Variants in ANKRD44 observed in about 807,000 individuals in gnomAD.
The protein encoded by ANKRD44 is serine/threonine-protein phosphatase 6 regulatory ankyrin repeat subunit B.
In ANKRD44, 35 loss-of-function variants were observed where a neutral mutation model predicts 116.0. The observed-to-expected ratio is 0.30, with a 90% CI of 0.23 to 0.40. ANKRD44 has a LOEUF of 0.40. Among genes scored for constraint, ANKRD44 ranks in the 10% least tolerant of loss-of-function variants. The pLI, the probability that ANKRD44 is intolerant of heterozygous loss-of-function variation, is 1.00. For synonymous variants in ANKRD44, 435 were observed against 461.8 expected (o/e 0.94, Z 0.74); for missense variants, 1,014 against 1,242.6 (o/e 0.82, Z 2.77).
intron 16 of ANKRD44, among the ~76,000 whole-genome samples, chr2:197,032,569 T>C (rs927684791): frequency 6.6e-6 from 1 of 152,104 alleles, no homozygotes; most frequent in Non-Finnish European, 1.5e-5. Flanking sequence ...TTTGTATTTT[T>C]AGTAGAGATG....
intron 1 of ANKRD44, among the ~76,000 whole-genome samples, chr2:197,280,388 G>A (rs564253022): frequency 1.2e-4 from 18 of 152,244 alleles, no homozygotes; most frequent in Non-Finnish European, 2.6e-4. Context: ...AAGCACAAAG[G>A]GTTTGCAAAA....
chr2:197,074,976 A>G (rs1418031846), intron 16 of ANKRD44, among the ~76,000 whole-genome samples: 1 of 152,182 alleles, frequency 6.6e-6, no homozygotes, highest in Non-Finnish European at 1.5e-5. Context: ...CTCCTAGAAT[A>G]TGTAAGTAGG....
chr2:196,967,561 T>C (rs527393544), intron 21 of ANKRD44: 51 of 397,788 alleles, frequency 1.3e-4, no homozygotes, highest in African/African-American at 1.1e-3. Context: ...AAATGGGGGA[T>C]GGGGAATGCT....
chr2:197,189,276 T>C (rs1410903629), intron 1 of ANKRD44, among the ~76,000 whole-genome samples: 3 of 152,222 alleles, frequency 2.0e-5, no homozygotes, highest in African/African-American at 7.2e-5. Flanking sequence ...TCCCAGCAAA[T>C]GAACATATAT....
At chr2:196,982,696 T>C (rs769285249), downstream of ANKRD44, among the ~76,000 whole-genome samples, 12 of 152,200 alleles carry the variant, frequency 7.9e-5, no homozygotes, top group Non-Finnish European at 1.6e-4. Context: ...AGCCACTATA[T>C]TTACTTGTCT....
At chr2:197,083,217 C>G (rs138435846) in intron 14 of ANKRD44, 152 bp downstream of exon 14, 1 of 955,824 alleles carries the variant, frequency 1.0e-6, no homozygotes, top group Non-Finnish European at 1.5e-6. Flanking sequence ...TTGACCAGAA[C>G]AGGAAAGCCC....
In ANKRD44 at chr2:196,989,142, T is replaced by G; in HGVS notation, c.*449A>C. On this transcript the variant is annotated 3_prime_UTR_variant, in exon 28 of 28. Transcript: ENST00000282272. ...GTCAAGTGTTTTTTTTTTCACTTTTTTTTTGTTATTCTAAATAAGATACAT... is the reference window on the plus strand; with the variant it reads ...GTCAAGTGTTTTTTTTTTCACTTTTGTTTTGTTATTCTAAATAAGATACAT... 1.0e-6 allele frequency: 1 copy of G among 985,334 alleles called. No homozygotes were observed. Among genetic ancestry groups the G allele is most frequent in the Non-Finnish European group, 1.2e-6 (1 of 829,868 alleles). 61.0% of individuals were successfully genotyped at this position (985,334 alleles called of 1,614,324 possible). A position where few individuals can be genotyped will look rare whatever the true frequency, so the allele number is the denominator to read the frequency against.
intron 3 of ANKRD44, among the ~76,000 whole-genome samples, chr2:197,142,511 A>G (rs377550372): frequency 1.4e-4 from 22 of 152,322 alleles, no homozygotes; most frequent in African/African-American, 5.3e-4. Flanking sequence ...AGAAGAGGGT[A>G]TGATAATTCC....
intron 6 of ANKRD44, 53 bp downstream of exon 6, chr2:197,125,328 G>A: frequency 6.7e-7 from 1 of 1,487,682 alleles, no homozygotes; most frequent in Non-Finnish European, 9.4e-7. Flanking sequence ...GAGACCCATG[G>A]CTTATTTAGT....
chr2:197,129,344 C>T (rs1052548343), intron 4 of ANKRD44, among the ~76,000 whole-genome samples: 1 of 152,124 alleles, frequency 6.6e-6, no homozygotes, highest in Non-Finnish European at 1.5e-5. Flanking sequence ...CCATGTTGGC[C>T]AGGCTGATCT....
At chr2:197,187,847 T>G (rs2080722779) in intron 1 of ANKRD44, among the ~76,000 whole-genome samples, 1 of 152,214 alleles carries the variant, frequency 6.6e-6, no homozygotes, top group African/African-American at 2.4e-5. Context: ...AAATTTCTGT[T>G]GCTTAAGCCA....
At chr2:197,274,002 T>TGA in intron 1 of ANKRD44, among the ~76,000 whole-genome samples, 3 of 64,910 alleles carry the variant, frequency 4.6e-5, no homozygotes, top group African/African-American at 1.5e-4. Context: ...TATATATATA[T>TGA]ATATATATAT....
Position 197,136,627 on chromosome 2 carries a change from T to C in ANKRD44, c.226A>G (p.Thr76Ala). The C allele has an allele frequency of 6.2e-7, 1 of 1,613,978 alleles. No homozygotes were observed. Among genetic ancestry groups the C allele is most frequent in the Non-Finnish European group, 8.5e-7 (1 of 1,179,974 alleles). Residue 76 changes from threonine to alanine, a missense_variant, in exon 4 of 28, where the codon ACT becomes GCT. Thr to Ala is a moderately conservative substitution (Grantham distance 58, BLOSUM62 0). Transcript: ENST00000282272. The part of the protein sequence containing the change: ...RVNAKDNMWL[T>A]PLHRAVASRS... Reference sequence around the variant, plus strand: ...GAAGCAACAGCCCGGTGCAGTGGAGTCAGCCACATGTTGTCCTTGGCATTT... The same window carrying C: ...GAAGCAACAGCCCGGTGCAGTGGAGCCAGCCACATGTTGTCCTTGGCATTT...
intron 1 of ANKRD44, among the ~76,000 whole-genome samples, chr2:197,204,469 C>T (rs543550958): frequency 2.4e-4 from 37 of 152,118 alleles, no homozygotes; most frequent in African/African-American, 8.4e-4. Context: ...ATGAGAATAA[C>T]GAAGGGTCTG....
Position 197,001,734 on chromosome 2 carries a change from T to G in ANKRD44, c.2435+19A>C, listed in dbSNP as rs545753102. ...AAATCATTAAAGCAACATCATTAAC[T>G]CTCAGCGTTTCTACTTACATTGCAC... On this transcript the variant is annotated intron_variant, in intron 22 of 27. Transcript: ENST00000282272. 1 of 1,570,684 alleles carries G rather than the reference T, an allele frequency of 6.4e-7. No homozygotes were observed. The highest frequency in any genetic ancestry group is 1.2e-5 in the South Asian group (1 of 86,356).
At chr2:197,274,382 C>G (rs181224524) in intron 1 of ANKRD44, among the ~76,000 whole-genome samples, 1 of 152,284 alleles carries the variant, frequency 6.6e-6, no homozygotes, top group Admixed American at 6.5e-5. Context: ...GGCTTGCCGC[C>G]CAGCTGTGCA....
chr2:197,179,486 T>G (rs1260181593), intron 2 of ANKRD44, among the ~76,000 whole-genome samples: 1 of 152,254 alleles, frequency 6.6e-6, no homozygotes, highest in Non-Finnish European at 1.5e-5. Flanking sequence ...GAAAGGGCCA[T>G]ATCCTTTATG....
chr2:197,000,674 C>T (rs1277528767), intron 22 of ANKRD44, among the ~76,000 whole-genome samples, 172 bp from the exon 23 acceptor site: 1 of 152,328 alleles, frequency 6.6e-6, no homozygotes, highest in East Asian at 1.9e-4. Context: ...CCTAGCATTA[C>T]TTCAGAACCT....
At chr2:197,244,315 C>A (rs1378848302) in intron 1 of ANKRD44, among the ~76,000 whole-genome samples, 1 of 152,216 alleles carries the variant, frequency 6.6e-6, no homozygotes, top group Admixed American at 6.5e-5. Context: ...ATTTGTGCAT[C>A]ACAGAATACA....
Sources: allele counts gnomAD v4.1 joint callset (sites outside exome capture counted in the v4.1 genomes callset), GRCh38; gene constraint gnomAD v4.1.1; transcripts MANE v1.5; gene names NCBI Gene and HGNC (gene_info 2026-07-23, HGNC 2026-07-21).